RBFOX1: variants seen among roughly 807,000 people sequenced by gnomAD.
RBFOX1 encodes RNA binding fox-1 homolog 1, also known as RNA binding protein fox-1 homolog 1.
A neutral mutation model predicts 57.7 loss-of-function variants in RBFOX1; 8 were observed. The observed-to-expected ratio is 0.14, with a 90% CI of 0.08 to 0.25. The LOEUF is 0.25. Among genes scored for constraint, RBFOX1 ranks in the 10% least tolerant of loss-of-function variants. The probability of loss-of-function intolerance (pLI) is 1.00; values close to 1 mark genes in which losing one functional copy is unlikely to be tolerated. For synonymous variants in RBFOX1, 326 were observed against 222.4 expected, an observed-to-expected ratio of 1.47 and a Z score of -4.15; for missense variants, 611 against 548.5, an observed-to-expected ratio of 1.11 and a Z score of -1.14.
intron 3 of RBFOX1, among the ~76,000 whole-genome samples, chr16:5,735,964 A>G (rs912533378): frequency 6.6e-6 from 1 of 152,180 alleles, no homozygotes; most frequent in African/African-American, 2.4e-5. Flanking sequence ...AGGCGCGGGT[A>G]GAGTACACAT....
intron 3 of RBFOX1, among the ~76,000 whole-genome samples, chr16:6,674,880 GT>G (rs2057349001): frequency 1.3e-5 from 2 of 151,934 alleles, no homozygotes; most frequent in South Asian, 4.2e-4. Flanking sequence ...TTACTGTTGT[GT>G]TTTTTGTTTG....
chr16:7,031,432 C>G (rs1038476389), intron 3 of RBFOX1, among the ~76,000 whole-genome samples: 1 of 151,876 alleles, frequency 6.6e-6, no homozygotes, highest in Non-Finnish European at 1.5e-5. Flanking sequence ...CCCGTCTCTA[C>G]TAAAAATACA....
intron 4 of RBFOX1, among the ~76,000 whole-genome samples, chr16:7,362,868 A>G (rs1385534374): frequency 6.6e-6 from 1 of 152,194 alleles, no homozygotes; most frequent in Non-Finnish European, 1.5e-5. Flanking sequence ...TGTACCAGTT[A>G]AGAGTCCAGA....
intron 1 of RBFOX1, among the ~76,000 whole-genome samples, chr16:6,286,469 A>G (rs973201778): frequency 6.6e-6 from 1 of 152,180 alleles, no homozygotes; most frequent in Non-Finnish European, 1.5e-5. Context: ...CCTCCTTCAT[A>G]CATTGGAAGT....
chr16:5,707,269 G>A (rs927420505), intron 3 of RBFOX1, among the ~76,000 whole-genome samples: 1 of 152,136 alleles, frequency 6.6e-6, no homozygotes, highest in Non-Finnish European at 1.5e-5. Flanking sequence ...GGAATCTCTG[G>A]GCTTGGCTGC....
chr16:6,637,494 A>C (rs1383304652), intron 2 of RBFOX1, among the ~76,000 whole-genome samples: 3 of 49,776 alleles, frequency 6.0e-5, no homozygotes, highest in South Asian at 1.5e-3. Context: ...CCTATATATT[A>C]TATATAATAT....
chr16:6,439,491 C>T (rs1597265796), intron 2 of RBFOX1, among the ~76,000 whole-genome samples: 1 of 152,306 alleles, frequency 6.6e-6, no homozygotes. Flanking sequence ...GGAACATCCC[C>T]TGCTTCCCTT....
At chr16:7,198,340 A>G (rs151024409) in intron 4 of RBFOX1, among the ~76,000 whole-genome samples, 2 of 152,234 alleles carry the variant, frequency 1.3e-5, no homozygotes, top group African/African-American at 2.4e-5. Context: ...GGTGATGAAA[A>G]TGTTTTGAAA....
At chr16:6,784,569 G>T (rs1189431102) in intron 3 of RBFOX1, among the ~76,000 whole-genome samples, 3 of 152,054 alleles carry the variant, frequency 2.0e-5, no homozygotes, top group Non-Finnish European at 4.4e-5. Flanking sequence ...ATTTTGAATT[G>T]CCTGTCTGAG....
At chr16:6,906,083 C>G (rs35069364) in intron 3 of RBFOX1, among the ~76,000 whole-genome samples, 52,539 of 151,920 alleles carry the variant, frequency 0.35, 10,797 homozygotes, top group African/African-American at 0.58. Context: ...ACTTTGTCTT[C>G]GATGGAACGC....
chr16:5,855,998 C>CTTTTTTTTT (rs2057019313), intron 3 of RBFOX1, among the ~76,000 whole-genome samples: 1 of 79,148 alleles, frequency 1.3e-5, no homozygotes, highest in Non-Finnish European at 2.6e-5. Context: ...TTTTTTTTTG[C>CTTTTTTTTT]TATCGTCAAT....
chr16:6,886,606 T>A (rs57137158), intron 3 of RBFOX1, among the ~76,000 whole-genome samples: 1 of 151,722 alleles, frequency 6.6e-6, no homozygotes, highest in African/African-American at 2.4e-5. Flanking sequence ...TAGAAAAAAA[T>A]TAGCTGGGCG....
intron 3 of RBFOX1, among the ~76,000 whole-genome samples, chr16:6,936,141 A>T (rs774787889): frequency 6.6e-6 from 1 of 152,150 alleles, no homozygotes; most frequent in Admixed American, 6.5e-5. Flanking sequence ...CACTTGATGG[A>T]TGCTGGTCTT....
At chr16:6,623,067 T>G (rs1022401898) in intron 2 of RBFOX1, among the ~76,000 whole-genome samples, 1 of 152,230 alleles carries the variant, frequency 6.6e-6, no homozygotes, top group Admixed American at 6.5e-5. Context: ...CATCGACATA[T>G]ATTGCAAATT....
Position 6,647,568 on chromosome 16 carries a change from C to T in RBFOX1, c.-63-7035C>T, listed in dbSNP as rs966500642. 5.9e-5 allele frequency among the ~76,000 whole-genome samples: 9 copies of T among 152,222 alleles called. No individual in the cohort carries two copies. The East Asian group carries it at 7.8e-4, about 13-fold the overall frequency. On this transcript the variant is annotated intron_variant, in intron 2 of 15. Coordinates refer to ENST00000550418, the MANE Select transcript of RBFOX1 (RefSeq NM_018723.4). ...CAGCCAAGGGCAGTCATTCTTAGGA[C>T]CTCATTTAACCTTAATCACTTCCTT... is the stretch of plus-strand genomic sequence containing the variant.
At chr16:6,809,218 G>A (rs753883777) in intron 3 of RBFOX1, among the ~76,000 whole-genome samples, 1 of 152,110 alleles carries the variant, frequency 6.6e-6, no homozygotes, top group African/African-American at 2.4e-5. Flanking sequence ...GGCTACGCTG[G>A]AGTCTCTGAA....
At chr16:6,601,736 G>A (rs992323973) in intron 2 of RBFOX1, among the ~76,000 whole-genome samples, 1 of 151,982 alleles carries the variant, frequency 6.6e-6, no homozygotes, top group African/African-American at 2.4e-5. Context: ...TATTTGTTGA[G>A]GTCAAGAGCA....
Position 5,283,079 on chromosome 16 carries a change from G to A in RBFOX1, c.219+42974G>A, listed in dbSNP as rs537098047. Among the ~76,000 whole-genome samples the A allele has an allele frequency of 1.4e-4, 22 of 152,330 alleles. No individual in the cohort carries two copies. In the South Asian group the frequency reaches 3.5e-3, roughly 24 times the overall value. The stretch of plus-strand genomic sequence containing the variant: ...CAGCTAAAAGGAGCCAAGATACAAC[G>A]TAGGCTGTGACTTCAGAGGGTGCAA... On this transcript the variant is annotated intron_variant, in intron 1 of 2. Transcript: ENST00000585867.
intron 2 of RBFOX1, among the ~76,000 whole-genome samples, chr16:5,519,714 G>C (rs1216638999): frequency 3.3e-5 from 5 of 152,206 alleles, no homozygotes; most frequent in Admixed American, 6.5e-5. Context: ...GATAGAGTGA[G>C]ATGGTGTCTC....
Sources: gnomAD v4.1 joint callset for allele counts (sites outside exome capture counted in the v4.1 genomes callset) on GRCh38, gnomAD v4.1.1 for gene constraint, MANE v1.5 for transcripts, NCBI Gene and HGNC (gene_info 2026-07-23, HGNC 2026-07-21) for gene names.